The following RIMS1 variants were observed in gnomAD, a reference collection of about 807,000 sequenced individuals.
RIMS1 encodes regulating synaptic membrane exocytosis 1.
Under a neutral mutation model 214.1 loss-of-function variants are expected in RIMS1, and 83 were observed. That is an observed-to-expected ratio of 0.39 (90% CI 0.32 to 0.47). The LOEUF (loss-of-function observed/expected upper bound fraction) is 0.47, where lower values mean the gene tolerates loss of function less well. Among genes scored for constraint, RIMS1 ranks in the 20% least tolerant of loss-of-function variants. The pLI, the probability that RIMS1 is intolerant of heterozygous loss-of-function variation, is 0.99. For missense variants in RIMS1, 2,050 were observed against 2,161.8 expected, an observed-to-expected ratio of 0.95 and a Z score of 1.03; for synonymous variants, 793 against 786.8, an observed-to-expected ratio of 1.01 and a Z score of -0.13.
intron 2 of RIMS1, among the ~76,000 whole-genome samples, chr6:72,025,830 A>G (rs1816267425): frequency 6.6e-6 from 1 of 152,204 alleles, no homozygotes; most frequent in South Asian, 2.1e-4. Flanking sequence ...CTGATGCTAT[A>G]TTCAACTAAA....
intron 2 of RIMS1, among the ~76,000 whole-genome samples, chr6:72,062,133 A>G (rs73750335): frequency 0.032 from 4,812 of 152,286 alleles, 262 homozygotes; most frequent in African/African-American, 0.11. Context: ...TTTCAAATTC[A>G]TTATTAGATT....
At chr6:71,940,864 A>G (rs1785870350) in intron 1 of RIMS1, among the ~76,000 whole-genome samples, 1 of 150,818 alleles carries the variant, frequency 6.6e-6, no homozygotes. Flanking sequence ...GAAAAAAGAC[A>G]TGTTAGGGTT....
rs560592840 is a variant in RIMS1 at position 72,000,744 on chromosome 6, C to T, written c.245+31681C>T. Among the ~76,000 whole-genome samples the T allele has an allele frequency of 3.0e-4, 46 of 152,138 alleles. 1 individual carries two copies. Among genetic ancestry groups the T allele is most frequent in the Non-Finnish European group, 1.2e-4 (8 of 68,006 alleles). On this transcript the variant is annotated intron_variant, in intron 2 of 33. Transcript: ENST00000521978. ...ACCAACTCTGTTTTATGTTTATTGT[C>T]ATCAGACTTCCTCAGCTTTAGACAT...
At chr6:72,393,462 C>G (rs1268118532) in intron 31 of RIMS1, among the ~76,000 whole-genome samples, 1 of 152,158 alleles carries the variant, frequency 6.6e-6, no homozygotes, top group African/African-American at 2.4e-5. Context: ...CTGTGGCTCA[C>G]GCCTGTAATC....
chr6:72,390,865 A>C, intron 30 of RIMS1, 129 bp downstream of exon 30: 2 of 1,089,418 alleles, frequency 1.8e-6, no homozygotes, highest in South Asian at 1.7e-5. Context: ...ATCCATTTTA[A>C]ACCACCCTGA....
chr6:72,245,937 A>C (rs144761847), intron 11 of RIMS1, 76 bp downstream of exon 11: 2 of 1,043,920 alleles, frequency 1.9e-6, no homozygotes, highest in East Asian at 5.2e-5. Flanking sequence ...TTCTTTAGTT[A>C]TTTGATATAA....
intron 26 of RIMS1, among the ~76,000 whole-genome samples, chr6:72,304,654 C>G (rs190229777): frequency 9.0e-4 from 137 of 151,940 alleles, no homozygotes; most frequent in African/African-American, 3.1e-3. Context: ...TCCACATTTA[C>G]ACTGAAGGTT....
intron 6 of RIMS1, among the ~76,000 whole-genome samples, chr6:72,190,650 G>A (rs1487286204): frequency 1.3e-5 from 2 of 152,194 alleles, no homozygotes; most frequent in East Asian, 3.9e-4. Context: ...GGTGCATGCT[G>A]TGGGGGAGAA....
chr6:72,212,323 T>C lies in RIMS1; in HGVS notation c.1679-21450T>C, dbSNP rs138975933. Among the ~76,000 whole-genome samples, 877 of 150,894 alleles carry C rather than the reference T, an allele frequency of 5.8e-3. 8 individuals carry two copies. The highest frequency in any genetic ancestry group is 0.018 in the Middle Eastern group (5 of 284). On this transcript the variant is annotated intron_variant, in intron 6 of 33. Transcript: ENST00000521978. ...ATGTCACATATAATAGGAATCTATA[T>C]ATAATATATAATATATTCACATATA...
Position 72,290,765 on chromosome 6 carries a change from G to T in RIMS1, c.3641G>T (p.Arg1214Leu), listed in dbSNP as rs779371419. ...QPVIRGKHPA[R>L]SRSSEHSSIR... ...GTCATTAGGGGAAAACATCCTGCTC[G>T]CTCAAGGTCGAGTGAGCACTCTAGT... Residue 1214 changes from arginine to leucine, a missense_variant, in exon 25 of 34, where the codon CGC (arginine) becomes CTC (leucine). This residue lies in a region of RIMS1 where 889 missense variants were observed against 885.5 expected (regional missense o/e 1.00). Transcript: ENST00000521978. 1.9e-6 allele frequency: 3 copies of T among 1,613,646 alleles called. No individual in the cohort carries two copies. Among genetic ancestry groups the T allele is most frequent in the Non-Finnish European group, 2.5e-6 (3 of 1,179,652 alleles).
At chr6:71,971,157 C>T (rs1220764553) in intron 2 of RIMS1, among the ~76,000 whole-genome samples, 1 of 152,052 alleles carries the variant, frequency 6.6e-6, no homozygotes, top group Non-Finnish European at 1.5e-5. Flanking sequence ...ATGAGGATTG[C>T]ATTAATGGGT....
intron 6 of RIMS1, among the ~76,000 whole-genome samples, chr6:72,191,267 G>A (rs1321096263): frequency 6.6e-6 from 1 of 152,208 alleles, no homozygotes. Context: ...CTTCTTTCTT[G>A]GTTGTAGAAG....
intron 5 of RIMS1, among the ~76,000 whole-genome samples, chr6:72,180,160 G>A (rs940664400): frequency 2.0e-5 from 3 of 152,146 alleles, no homozygotes; most frequent in African/African-American, 7.2e-5. Context: ...ACCCAGCTGA[G>A]CTACCAACTT....
chr6:71,968,236 T>G (rs1416817729), intron 1 of RIMS1, among the ~76,000 whole-genome samples: 1 of 152,224 alleles, frequency 6.6e-6, no homozygotes, highest in Non-Finnish European at 1.5e-5. Context: ...TGCCAATAAA[T>G]GTCACCAGTG....
chr6:72,271,285 AAATATATAT>A (rs1162281942), intron 22 of RIMS1, among the ~76,000 whole-genome samples: 46 of 22,906 alleles, frequency 2.0e-3, no homozygotes, highest in African/African-American at 7.7e-3. Flanking sequence ...AAAAAAAAAA[AAATATATAT>A]ATATATATAT....
chr6:71,888,066 C>T (rs1158883273), intron 1 of RIMS1, among the ~76,000 whole-genome samples: 1 of 152,164 alleles, frequency 6.6e-6, no homozygotes, highest in Non-Finnish European at 1.5e-5. Flanking sequence ...TCTGATGCCC[C>T]ATTTTCCTGG....
chr6:72,195,679 T>C (rs2050744324), intron 6 of RIMS1, among the ~76,000 whole-genome samples: 1 of 152,030 alleles, frequency 6.6e-6, no homozygotes, highest in Non-Finnish European at 1.5e-5. Context: ...GTACTGGGAG[T>C]ATCCTCTTTG....
chr6:72,106,888 AT>A (rs1399525167), intron 4 of RIMS1, among the ~76,000 whole-genome samples: 1 of 152,232 alleles, frequency 6.6e-6, no homozygotes, highest in East Asian at 1.9e-4. Flanking sequence ...TTTATGCGTC[AT>A]ATGCAGATTA....
intron 4 of RIMS1, among the ~76,000 whole-genome samples, chr6:72,147,649 G>T (rs566010309): frequency 9.9e-5 from 15 of 152,184 alleles, no homozygotes; most frequent in Admixed American, 7.8e-4. Context: ...TGTTTTTCTG[G>T]CAAAACAAGA....
Sources: allele counts gnomAD v4.1 joint callset (sites outside exome capture counted in the v4.1 genomes callset), GRCh38; gene constraint gnomAD v4.1.1; regional missense constraint gnomAD v4.1.1; transcripts MANE v1.5; gene names NCBI Gene and HGNC (gene_info 2026-07-23, HGNC 2026-07-21).